DESI1: variants seen among roughly 807,000 people sequenced by gnomAD.
DESI1 encodes the protein PPPDE peptidase domain containing 2.
A neutral mutation model predicts 22.4 loss-of-function variants in DESI1; 17 were observed. That is an observed-to-expected ratio of 0.76 (90% CI 0.52 to 1.14). The LOEUF (loss-of-function observed/expected upper bound fraction) is 1.14, where lower values mean the gene tolerates loss of function less well. Among genes scored for constraint, DESI1 ranks in the 50% most tolerant of loss-of-function variants. DESI1 has a pLI of 0.00. For missense variants in DESI1, 177 were observed against 208.9 expected (o/e 0.85, Z 0.94); for synonymous variants, 92 against 84.2 (o/e 1.09, Z -0.51).
In DESI1 at chr22:41,620,820, T is replaced by A; in HGVS notation, c.20A>T (p.Tyr7Phe). Residue 7 changes from tyrosine to phenylalanine, a missense_variant, in exon 1 of 6, where the codon TAT (tyrosine) becomes TTT (phenylalanine). Tyr to Phe is a conservative substitution (Grantham distance 22). Transcript: ENST00000263256. Reference sequence around the variant, plus strand: ...GTCGTACACGTAGAGCTTCACCGGATAGAGATTCGGCGGCTCCATTGGGAC... The same window carrying A: ...GTCGTACACGTAGAGCTTCACCGGAAAGAGATTCGGCGGCTCCATTGGGAC... MEPPNL[Y>F]PVKLYVYDLS... is the part of the protein sequence containing the mutation. 2 of 1,611,612 alleles carry A rather than the reference T, an allele frequency of 1.2e-6. No individual in the cohort carries two copies. The highest frequency in any genetic ancestry group is 1.7e-6 in the Non-Finnish European group (2 of 1,178,886).
At chr22:41,601,478 C>A (rs1405822231) in intron 5 of DESI1, among the ~76,000 whole-genome samples, 2 of 152,172 alleles carry the variant, frequency 1.3e-5, no homozygotes, top group Non-Finnish European at 2.9e-5. Context: ...TTTGAGTAGG[C>A]TGGCTACATA....
rs1443477710 is a variant in DESI1, at chr22:41,601,186, AG to A, written c.417del (p.Phe140LeufsTer57). ...TDLPSEVLSTPFGQALRPLLD... is the reference protein window; with the variant it reads ...TDLPSEVLSTXFGQALRPLLD... The stretch of plus-strand genomic sequence containing the variant: ...AGGAGGGGCCGAAGTGCCTGTCCAA[AG>A]GGCCTGCAAGGAAACAGAGACATGA... On this transcript the variant is annotated frameshift_variant, in exon 6 of 6. Coordinates refer to ENST00000263256, the MANE Select transcript of DESI1 (RefSeq NM_015704.3). LOFTEE classifies it high-confidence loss of function. 1 of 1,607,594 alleles carries A rather than the reference AG, an allele frequency of 6.2e-7. No individual in the cohort carries two copies. The highest frequency in any genetic ancestry group is 8.5e-7 in the Non-Finnish European group (1 of 1,177,280).
At chr22:41,612,455 C>T (rs12628916) in intron 1 of DESI1, among the ~76,000 whole-genome samples, 82 of 148,388 alleles carry the variant, frequency 5.5e-4, no homozygotes, top group African/African-American at 1.8e-3. Flanking sequence ...CAGTGAGCTG[C>T]GATTGCACCA....
At chr22:41,603,061 G>C (rs1403288215) in intron 5 of DESI1, 198 bp downstream of exon 5, 8 of 804,870 alleles carry the variant, frequency 9.9e-6, no homozygotes, top group African/African-American at 5.2e-5. Flanking sequence ...GGGCAGAGCT[G>C]GTCTAGCTCT....
At chr22:41,617,547 G>A (rs1673088311) in intron 1 of DESI1, among the ~76,000 whole-genome samples, 2 of 152,214 alleles carry the variant, frequency 1.3e-5, no homozygotes, top group Non-Finnish European at 2.9e-5. Flanking sequence ...TTCAAGATTT[G>A]TGTTGTCTGA....
At position 41,621,004 on chromosome 22, in the gene DESI1, C is replaced by A; in HGVS notation, c.-165G>T. On this transcript the variant is annotated 5_prime_UTR_variant, in exon 1 of 6. Transcript: ENST00000263256. The stretch of plus-strand genomic sequence containing the variant: ...CCGCCCTGCGCTGCTCGCGCCCCCA[C>A]ACCCGCTACCGGCAACGACTACTGT... 1.5e-6 allele frequency: 1 copy of A among 685,720 alleles called. No homozygotes were observed. Among genetic ancestry groups the A allele is most frequent in the Non-Finnish European group, 2.4e-6 (1 of 414,650 alleles). The allele number at this position is 685,720 out of a possible 1,614,324, so 42.5% of individuals were successfully genotyped here. A position where few individuals can be genotyped will look rare whatever the true frequency, so the allele number is the denominator to read the frequency against.
At chr22:41,604,501 C>T (rs1825755867) in intron 3 of DESI1, among the ~76,000 whole-genome samples, 2 of 152,058 alleles carry the variant, frequency 1.3e-5, no homozygotes, top group African/African-American at 2.4e-5. Context: ...CCCACCTCGG[C>T]CTTCCAAAGT....
chr22:41,602,755 C>T, intron 5 of DESI1: 6 of 998,764 alleles, frequency 6.0e-6, no homozygotes, highest in Non-Finnish European at 7.2e-6. Context: ...GCAGAGTGTT[C>T]TTGAAGAAAA....
chr22:41,614,687 C>A (rs946958908), intron 1 of DESI1, among the ~76,000 whole-genome samples: 18 of 149,348 alleles, frequency 1.2e-4, no homozygotes, highest in South Asian at 6.4e-4. Context: ...CGAGTTCAAG[C>A]GATTCTCCTG....
chr22:41,613,349 G>C (rs945311015), intron 1 of DESI1, among the ~76,000 whole-genome samples: 2 of 152,172 alleles, frequency 1.3e-5, no homozygotes, highest in African/African-American at 2.4e-5. Context: ...CGTAGCACAG[G>C]GTCTGGGACA....
chr22:41,603,496 C>A, intron 4 of DESI1, 115 bp from the exon 5 acceptor site: 1 of 1,495,012 alleles, frequency 6.7e-7, no homozygotes, highest in South Asian at 1.2e-5. Flanking sequence ...ATTGCGATTT[C>A]CCCCGTCTCA....
At chr22:41,607,075 C>A (rs577784860) in intron 3 of DESI1, among the ~76,000 whole-genome samples, 187 bp downstream of exon 3, 1 of 152,168 alleles carries the variant, frequency 6.6e-6, no homozygotes, top group Non-Finnish European at 1.5e-5. Flanking sequence ...CAGAAGGACC[C>A]ACACGTGCCA....
At position 41,607,262 on chromosome 22, in the gene DESI1, C is replaced by T. The variant is rs781459245; in HGVS notation, c.180G>A (p.Pro60=). ...ACAGAGTGTAGGGGAAGACACTCACCGGGGGGCAGCTGGAGATACCACCAC... is the reference window on the plus strand; with the variant it reads ...ACAGAGTGTAGGGGAAGACACTCACTGGGGGGCAGCTGGAGATACCACCAC... The part of the protein sequence containing the change: ...FGSGGISSCP[P]GGTLLGPPDS... The change falls in exon 3 of 6, where the codon CCG becomes CCA. Residue 60 remains proline, a splice_region_variant and synonymous_variant. Transcript: ENST00000263256. 17 of 1,607,984 alleles carry T rather than the reference C, an allele frequency of 1.1e-5. No homozygotes were observed. The highest frequency in any genetic ancestry group is 9.0e-5 in the East Asian group (4 of 44,492).
chr22:41,603,313 G>A lies in DESI1; in HGVS notation c.359C>T (p.Thr120Ile). The change falls in exon 5 of 6, where the codon ACT becomes ATT. Residue 120 changes from threonine (T) to isoleucine (I), a missense_variant. Physicochemically the swap from Thr to Ile is moderately conservative, Grantham distance 89 (BLOSUM62 -1). Coordinates refer to ENST00000263256, the MANE Select transcript of DESI1 (RefSeq NM_015704.3). ...GATGTAAGAAGGAATCTTCCGCCCA[G>A]TCAGGAACTGTGCCACTTCGTTGCT... ...TFSNEVAQFLTGRKIPSYITD... is the reference protein window; with the variant it reads ...TFSNEVAQFLIGRKIPSYITD... The A allele has an allele frequency of 6.2e-7, 1 of 1,614,234 alleles. No individual in the cohort carries two copies. Among genetic ancestry groups the A allele is most frequent in the South Asian group, 1.1e-5 (1 of 91,084 alleles).
intron 3 of DESI1, among the ~76,000 whole-genome samples, chr22:41,604,971 C>T (rs2067470881): frequency 1.3e-5 from 2 of 152,268 alleles, no homozygotes; most frequent in South Asian, 4.2e-4. Flanking sequence ...GCAGCTCTGA[C>T]TCCTGATGCT....
chr22:41,606,823 G>A (rs1028098022), intron 3 of DESI1, among the ~76,000 whole-genome samples: 4 of 151,188 alleles, frequency 2.6e-5, no homozygotes, highest in African/African-American at 9.7e-5. Flanking sequence ...AAAAGGGTGT[G>A]GGCTTTAGTG....
chr22:41,611,554 G>T (rs1285414974), intron 1 of DESI1, among the ~76,000 whole-genome samples: 1 of 151,028 alleles, frequency 6.6e-6, no homozygotes, highest in Non-Finnish European at 1.5e-5. Context: ...TGAAACTGGA[G>T]AAATTAAGGA....
intron 5 of DESI1, chr22:41,602,458 C>A (rs747539968): frequency 1.5e-4 from 148 of 985,352 alleles, no homozygotes; most frequent in Non-Finnish European, 1.7e-4. Flanking sequence ...CCTATGCAAG[C>A]TCTTCCTGGG....
intron 1 of DESI1, among the ~76,000 whole-genome samples, chr22:41,609,003 G>T (rs777850011): frequency 1.3e-5 from 2 of 152,110 alleles, no homozygotes; most frequent in African/African-American, 2.4e-5. Flanking sequence ...GTGAAGTGAC[G>T]TGATCTCGGC....
Sources: allele counts gnomAD v4.1 joint callset (sites outside exome capture counted in the v4.1 genomes callset), GRCh38; gene constraint gnomAD v4.1.1; transcripts MANE v1.5; gene names NCBI Gene and HGNC (gene_info 2026-07-23, HGNC 2026-07-21).